CHD8: variants seen among roughly 807,000 people sequenced by gnomAD.
CHD8 encodes the protein ATP-dependent chromatin remodeler CHD8.
Under a neutral mutation model 279.2 loss-of-function variants are expected in CHD8, and 31 were observed. That is an observed-to-expected ratio of 0.11 (90% CI 0.08 to 0.15). The LOEUF is 0.15. Ranked by LOEUF, CHD8 falls within the 10% of genes least tolerant of loss-of-function variation. The pLI is 1.00. For synonymous variants in CHD8, 1,081 were observed against 1,139.6 expected, an observed-to-expected ratio of 0.95 and a Z score of 1.04; for missense variants, 2,146 against 3,230.5, an observed-to-expected ratio of 0.66 and a Z score of 8.14.
At chr14:21,441,152 A>G (rs570864896) in intron 1 of CHD8, among the ~76,000 whole-genome samples, 19 of 152,286 alleles carry the variant, frequency 1.2e-4, no homozygotes, top group African/African-American at 4.6e-4. Context: ...CCCAGGACCA[A>G]CCAGTTAGAC....
At chr14:21,411,284 T>C (rs1315785736) in intron 10 of CHD8, among the ~76,000 whole-genome samples, 1 of 152,140 alleles carries the variant, frequency 6.6e-6, no homozygotes, top group Admixed American at 6.5e-5. Flanking sequence ...CACACAATAC[T>C]ACCACCCCAA....
chr14:21,401,366 C>T, intron 21 of CHD8, 37 bp downstream of exon 21: 1 of 1,266,300 alleles, frequency 7.9e-7, no homozygotes, highest in South Asian at 1.4e-5. Context: ...GTAGTGTGGT[C>T]TTCTGCGATA....
chr14:21,431,121 C>T lies in CHD8; in HGVS notation c.523G>A (p.Val175Met). The change falls in exon 2 of 38, where the codon GTG becomes ATG. Residue 175 changes from valine (V) to methionine (M), a missense_variant. Val to Met is a conservative substitution (Grantham distance 21, BLOSUM62 1). This residue lies in a region of CHD8 where 302 missense variants were observed against 325.5 expected (regional missense o/e 0.93). Coordinates refer to ENST00000646647, the MANE Select transcript of CHD8 (RefSeq NM_001170629.2). ...PPSSSVTGAH[V>M]AQIQAQGITS... The stretch of plus-strand genomic sequence containing the variant: ...ATACCTTGGGCCTGAATTTGTGCCA[C>T]ATGGGCACCAGTGACTGAGGAGCTT... The T allele has an allele frequency of 1.3e-6, 2 of 1,599,112 alleles. No homozygotes were observed. The highest frequency in any genetic ancestry group is 2.2e-5 in the East Asian group (1 of 44,874).
At chr14:21,394,808 G>A (rs1394389104) in intron 30 of CHD8, 104 bp downstream of exon 30, 1 of 1,222,974 alleles carries the variant, frequency 8.2e-7, no homozygotes, top group Non-Finnish European at 1.2e-6. Context: ...AGAAAAGATG[G>A]TCCCTCTGTA....
Position 21,397,915 on chromosome 14 carries a change from G to A in CHD8, c.4959C>T (p.Ala1653=), listed in dbSNP as rs1887859087. 1 of 1,611,234 alleles carries A rather than the reference G, an allele frequency of 6.2e-7. No individual in the cohort carries two copies. Among genetic ancestry groups the A allele is most frequent in the Non-Finnish European group, 8.5e-7 (1 of 1,178,476 alleles). ...EKYNTMRADP[A]LCFLEKAGRP... is the part of the protein sequence containing the mutation. ...GGCCAGCCTTTTCTAGGAAACATAAGGCTGGGTCTGCCCTCATGGTATTAT... is the reference window on the plus strand; with the variant it reads ...GGCCAGCCTTTTCTAGGAAACATAAAGCTGGGTCTGCCCTCATGGTATTAT... Residue 1653 remains alanine (A), a synonymous_variant, in exon 27 of 38, where the codon GCC becomes GCT. Transcript: ENST00000646647.
At position 21,393,534 on chromosome 14, in the gene CHD8, G is replaced by C; in HGVS notation, c.6261C>G (p.Ser2087=). The change falls in exon 32 of 38, where the codon TCC becomes TCG. Residue 2087 remains serine, a synonymous_variant. Coordinates refer to ENST00000646647, the MANE Select transcript of CHD8 (RefSeq NM_001170629.2). Reference sequence around the variant, plus strand: ...CAGTGCTGGAGCTGGAGCTGGATGAGGATGAGGAAGAAGAAGAAGATGGTG... The same window carrying C: ...CAGTGCTGGAGCTGGAGCTGGATGACGATGAGGAAGAAGAAGAAGATGGTG... ...KLSPSSSSSS[S]SSSSSSSTDE... 6.2e-7 allele frequency: 1 copy of C among 1,601,900 alleles called. No homozygotes were observed.
intron 1 of CHD8, among the ~76,000 whole-genome samples, chr14:21,445,328 T>C (rs566896104): frequency 2.0e-5 from 3 of 152,150 alleles, no homozygotes; most frequent in East Asian, 3.9e-4. Context: ...TCCCAGCACT[T>C]TGGGAGGCCG....
Position 21,386,012 on chromosome 14 carries a change from G to A in CHD8, c.7347C>T (p.His2449=). ...ACACAGACTGTAGGCCACTACTGCT[G>A]TGTTGGAACGTGTTATGCAGAGATA... ...GSLSLHNTFQ[H]SSSGLQSVSS... The change falls in exon 38 of 38, where the codon CAC becomes CAT. Residue 2449 remains histidine, a synonymous_variant. Transcript: ENST00000646647. 2 of 1,592,832 alleles carry A rather than the reference G, an allele frequency of 1.3e-6. No individual in the cohort carries two copies. Among genetic ancestry groups the A allele is most frequent in the Non-Finnish European group, 1.7e-6 (2 of 1,169,252 alleles).
At chr14:21,388,375 G>C (rs1289232914) in intron 37 of CHD8, among the ~76,000 whole-genome samples, 1 of 152,066 alleles carries the variant, frequency 6.6e-6, no homozygotes, top group South Asian at 2.1e-4. Flanking sequence ...AAACAATACC[G>C]TGTAACAACT....
chr14:21,413,105 A>C, intron 9 of CHD8, 109 bp from the exon 10 acceptor site: 1 of 712,004 alleles, frequency 1.4e-6, no homozygotes, highest in South Asian at 1.6e-5. Context: ...TTTTAAAGAA[A>C]TTAGAAGCTA....
chr14:21,390,513 C>T (rs964677975), intron 37 of CHD8, among the ~76,000 whole-genome samples: 4 of 152,186 alleles, frequency 2.6e-5, no homozygotes, highest in African/African-American at 7.2e-5. Flanking sequence ...TGCAGTGTGG[C>T]TCAGGCCTGT....
At chr14:21,452,407 C>T (rs1294019347) in intron 1 of CHD8, among the ~76,000 whole-genome samples, 1 of 151,980 alleles carries the variant, frequency 6.6e-6, no homozygotes, top group East Asian at 2.0e-4. Flanking sequence ...CTTTGGGAGG[C>T]CGAGGCAGGC....
At chr14:21,437,107 C>G (rs889542069) in intron 1 of CHD8, 4 of 863,064 alleles carry the variant, frequency 4.6e-6, no homozygotes, top group Non-Finnish European at 6.5e-6. Context: ...AATGTTAGGG[C>G]GGAAGCTGCA....
rs1281027038 is a variant in CHD8, at chr14:21,428,152, A to C, written c.1318T>G (p.Ser440Ala). The change falls in exon 4 of 38, where the codon TCG (serine) becomes GCG (alanine). Residue 440 changes from serine (S) to alanine (A), a missense_variant. This residue lies in a region of CHD8 where 170 missense variants were observed against 189.9 expected (regional missense o/e 0.90). Coordinates refer to ENST00000646647, the MANE Select transcript of CHD8 (RefSeq NM_001170629.2). Reference sequence around the variant, plus strand: ...TCCTCCATTCCTGTCTTTCCCCCCGAATGAGGAGCAGAGCTTGCTGGTGAT... The same window carrying C: ...TCCTCCATTCCTGTCTTTCCCCCCGCATGAGGAGCAGAGCTTGCTGGTGAT... Reference protein sequence around the residue: ...LSSPASSAPHSGGKTGMEENR... With the variant: ...LSSPASSAPHAGGKTGMEENR... The C allele has an allele frequency of 6.2e-7, 1 of 1,613,928 alleles. No homozygotes were observed. The highest frequency in any genetic ancestry group is 8.5e-7 in the Non-Finnish European group (1 of 1,179,876).
At chr14:21,436,059 C>T (rs1889768503) in intron 1 of CHD8, among the ~76,000 whole-genome samples, 1 of 152,216 alleles carries the variant, frequency 6.6e-6, no homozygotes, top group African/African-American at 2.4e-5. Flanking sequence ...TAGTGACAAC[C>T]TCTTAGAAGA....
intron 26 of CHD8, chr14:21,399,122 C>A: frequency 3.5e-6 from 1 of 288,584 alleles, no homozygotes. Context: ...AAGAGTCCAC[C>A]CTGCAGGTGG....
At chr14:21,447,997 T>C (rs929115870) in intron 1 of CHD8, among the ~76,000 whole-genome samples, 9 of 152,208 alleles carry the variant, frequency 5.9e-5, no homozygotes, top group Non-Finnish European at 2.9e-5. Context: ...TGTATATTAA[T>C]TTAGGTAACA....
rs1478907821 is a variant in CHD8 at position 21,407,774 on chromosome 14, A to G, written c.2730+538T>C. Among the ~76,000 whole-genome samples the G allele has an allele frequency of 2.0e-5, 3 of 152,026 alleles. No homozygotes were observed. The East Asian group carries it at 5.8e-4, about 29-fold the overall frequency. On this transcript the variant is annotated intron_variant, in intron 13 of 37. Coordinates refer to ENST00000646647, the MANE Select transcript of CHD8 (RefSeq NM_001170629.2). ...CAGGTGCCCACCACCACACCTGGCT[A>G]ATTTTTATATCTTTAGTAGAGATGG...
At position 21,399,772 on chromosome 14, in the gene CHD8, G is replaced by GTTA; in HGVS notation, c.4818-70_4818-68dup. 4 of 1,127,624 alleles carry GTTA rather than the reference G, an allele frequency of 3.5e-6. No individual in the cohort carries two copies. The South Asian group carries it at 4.9e-5, about 14-fold the overall frequency. 69.9% of individuals were successfully genotyped at this position (1,127,624 alleles called of 1,614,324 possible). The stretch of plus-strand genomic sequence containing the variant: ...AATTAAAGTGAGAATCCTTGCAAAG[G>GTTA]TTATTATAGGTATCTTCCTGTATCC... On this transcript the variant is annotated intron_variant, in intron 25 of 37. Coordinates refer to ENST00000646647, the MANE Select transcript of CHD8 (RefSeq NM_001170629.2).
Sources: allele counts gnomAD v4.1 joint callset (sites outside exome capture counted in the v4.1 genomes callset), GRCh38; gene constraint gnomAD v4.1.1; regional missense constraint gnomAD v4.1.1; transcripts MANE v1.5; gene names NCBI Gene and HGNC (gene_info 2026-07-23, HGNC 2026-07-21).